The following DNAH5 variants were observed in gnomAD, a reference collection of about 807,000 sequenced individuals.
The protein encoded by DNAH5 is dynein axonemal heavy chain 5.
Under a neutral mutation model 518.2 loss-of-function variants are expected in DNAH5, and 372 were observed. The ratio of observed to expected loss-of-function variants is 0.72; its 90% CI spans 0.66 to 0.78. The LOEUF is 0.78. Among genes scored for constraint, DNAH5 ranks in the 30% least tolerant of loss-of-function variants. The pLI, the probability that DNAH5 is intolerant of heterozygous loss-of-function variation, is 0.00. For synonymous variants in DNAH5, 2,039 were observed against 2,025.9 expected (o/e 1.01, Z -0.17); for missense variants, 5,523 against 5,687.0 (o/e 0.97, Z 0.93).
intron 5 of DNAH5, among the ~76,000 whole-genome samples, chr5:13,921,477 A>ACG (rs70964520): frequency 1.3e-5 from 1 of 74,212 alleles, no homozygotes; most frequent in Non-Finnish European, 2.6e-5. Flanking sequence ...TCTCTCTCTC[A>ACG]CACACACACA....
chr5:13,779,381 A>G (rs1274689300), intron 53 of DNAH5, among the ~76,000 whole-genome samples: 2 of 152,210 alleles, frequency 1.3e-5, no homozygotes, highest in African/African-American at 4.8e-5. Context: ...AACAGCTTAA[A>G]TATTTGAATC....
At chr5:13,840,033 C>A (rs1764950611) in intron 34 of DNAH5, among the ~76,000 whole-genome samples, 1 of 152,190 alleles carries the variant, frequency 6.6e-6, no homozygotes, top group Non-Finnish European at 1.5e-5. Context: ...CAGGCCATTG[C>A]CTGGAAATGC....
chr5:13,890,850 A>T, intron 17 of DNAH5, 126 bp downstream of exon 17: 2 of 1,036,612 alleles, frequency 1.9e-6, no homozygotes, highest in Non-Finnish European at 2.9e-6. Context: ...TCCATGTCTG[A>T]ATCACTTCTA....
intron 43 of DNAH5, among the ~76,000 whole-genome samples, chr5:13,813,607 T>C (rs1761019710): frequency 6.6e-6 from 1 of 152,188 alleles, no homozygotes; most frequent in South Asian, 2.1e-4. Flanking sequence ...TTTATTCTCC[T>C]TAATGGGTGG....
intron 25 of DNAH5, 47 bp from the exon 26 acceptor site, chr5:13,866,329 T>C: frequency 6.7e-7 from 1 of 1,501,438 alleles, no homozygotes; most frequent in South Asian, 1.2e-5. Context: ...TGTTTGCATA[T>C]AAATTTCATG....
intron 55 of DNAH5, among the ~76,000 whole-genome samples, chr5:13,775,765 C>A (rs775432533): frequency 3.3e-5 from 5 of 152,080 alleles, no homozygotes; most frequent in African/African-American, 1.2e-4. Context: ...CCTCCGGCAA[C>A]CCCCATCTAC....
chr5:13,865,642 G>T (rs1769134447), intron 27 of DNAH5, 26 bp downstream of exon 27: 2 of 1,361,442 alleles, frequency 1.5e-6, no homozygotes, highest in African/African-American at 1.4e-5. Context: ...TCAATTGCTG[G>T]GCATGCTAAA....
chr5:13,972,807 T>C (rs1227886024), intron 1 of DNAH5, among the ~76,000 whole-genome samples: 1 of 152,210 alleles, frequency 6.6e-6, no homozygotes, highest in African/African-American at 2.4e-5. Context: ...AGTCTCCACA[T>C]GCTGCTCTGT....
exon 1 of DNAH5, among the ~76,000 whole-genome samples, chr5:14,011,707 G>A (rs1475819691): frequency 1.3e-5 from 2 of 152,146 alleles, no homozygotes; most frequent in Admixed American, 1.3e-4. Context: ...CTCCCCCGGT[G>A]CAGGGAGGAC....
At position 13,859,911 on chromosome 5, in the gene DNAH5, C is replaced by T. The variant is rs990154; in HGVS notation, c.4797-306G>A. 0.052 allele frequency among the ~76,000 whole-genome samples: 7,889 copies of T among 152,204 alleles called. 217 individuals are homozygous for T. Among genetic ancestry groups the T allele is most frequent in the Admixed American group, 0.06 (923 of 15,300 alleles). On this transcript the variant is annotated intron_variant, in intron 29 of 78. Transcript: ENST00000265104. ...GGTAATATAATTACCCTCAGTGCTG[C>T]TATGGCTACGAGAATAATATTTGCC...
intron 75 of DNAH5, among the ~76,000 whole-genome samples, chr5:13,712,076 A>C (rs1743559866): frequency 6.6e-6 from 1 of 152,080 alleles, no homozygotes; most frequent in Non-Finnish European, 1.5e-5. Flanking sequence ...ACTACAAAGA[A>C]CAAATCAGGA....
intron 1 of DNAH5, among the ~76,000 whole-genome samples, chr5:13,957,118 G>A (rs1227728504): frequency 6.6e-6 from 1 of 152,148 alleles, no homozygotes; most frequent in Non-Finnish European, 1.5e-5. Context: ...CTTATGTTCA[G>A]AGGTTAATAA....
intron 58 of DNAH5, among the ~76,000 whole-genome samples, chr5:13,767,135 T>A (rs957897207): frequency 2.0e-5 from 3 of 152,182 alleles, no homozygotes; most frequent in African/African-American, 7.2e-5. Context: ...CTTTTGTTTT[T>A]TATTTTGAGA....
At chr5:13,900,471 G>C in intron 14 of DNAH5, 59 bp from the exon 15 acceptor site, 1 of 1,352,226 alleles carries the variant, frequency 7.4e-7, no homozygotes, top group East Asian at 2.3e-5. Context: ...AGAGTATCTA[G>C]CTCAGCTATC....
chr5:13,715,337 A>G (rs191793322), intron 74 of DNAH5, among the ~76,000 whole-genome samples: 1 of 152,294 alleles, frequency 6.6e-6, no homozygotes, highest in Admixed American at 6.5e-5. Flanking sequence ...CTCTTGCATA[A>G]TATCTTCTTA....
intron 17 of DNAH5, among the ~76,000 whole-genome samples, chr5:13,889,595 T>C (rs530878997): frequency 6.6e-6 from 1 of 152,296 alleles, no homozygotes; most frequent in Admixed American, 6.5e-5. Context: ...GTGCAAACAA[T>C]GTAGTTTATG....
In DNAH5 at chr5:13,916,408, C is replaced by G; in HGVS notation, c.1137G>C (p.Met379Ile). 1 of 1,555,304 alleles carries G rather than the reference C, an allele frequency of 6.4e-7. No individual in the cohort carries two copies. The highest frequency in any genetic ancestry group is 2.3e-5 in the East Asian group (1 of 44,062). Residue 379 changes from methionine (M) to isoleucine (I), a missense_variant, in exon 9 of 79, where the codon ATG (methionine) becomes ATC (isoleucine). Met to Ile is a conservative substitution (Grantham distance 10, BLOSUM62 1). Coordinates refer to ENST00000265104, the MANE Select transcript of DNAH5 (RefSeq NM_001369.3). ...TATAGTAATGAGAGATACTATAGATCATTTTAATTGCATTTATAAGTGTAG... is the reference window on the plus strand; with the variant it reads ...TATAGTAATGAGAGATACTATAGATGATTTTAATTGCATTTATAAGTGTAG... ...AIPTLINAIK[M>I]IYSISHYYNT...
chr5:13,944,622 C>A lies in DNAH5; in HGVS notation c.-184G>T. On this transcript the variant is annotated 5_prime_UTR_variant, in exon 1 of 79. Coordinates refer to ENST00000265104, the MANE Select transcript of DNAH5 (RefSeq NM_001369.3). ...AATAAAAATTAAAACTCCACTTATA[C>A]CACTCAAGTTTTTCTCCTAGAGTGT... is the stretch of plus-strand genomic sequence containing the variant. The A allele has an allele frequency of 1.6e-6, 1 of 629,858 alleles. No individual in the cohort carries two copies. The highest frequency in any genetic ancestry group is 2.8e-6 in the Non-Finnish European group (1 of 350,962). 39.0% of individuals were successfully genotyped at this position (629,858 alleles called of 1,614,324 possible).
chr5:13,910,027 G>A (rs1470043601), intron 12 of DNAH5, among the ~76,000 whole-genome samples: 1 of 152,156 alleles, frequency 6.6e-6, no homozygotes, highest in African/African-American at 2.4e-5. Context: ...AGGAAACACA[G>A]GTGAACATCA....
Sources: gnomAD v4.1 joint callset for allele counts (sites outside exome capture counted in the v4.1 genomes callset) on GRCh38, gnomAD v4.1.1 for gene constraint, MANE v1.5 for transcripts, NCBI Gene and HGNC (gene_info 2026-07-23, HGNC 2026-07-21) for gene names.